Variants in SLCO5A1 observed in about 807,000 individuals in gnomAD.
The protein encoded by SLCO5A1 is solute carrier organic anion transporter family member 5A1.
Under a neutral mutation model 65.1 loss-of-function variants are expected in SLCO5A1, and 39 were observed. The ratio of observed to expected loss-of-function variants is 0.60; its 90% CI spans 0.46 to 0.78. The LOEUF is 0.78. SLCO5A1 is among the 30% of genes least tolerant of loss of function. The probability of loss-of-function intolerance (pLI) is 0.00; values close to 1 mark genes in which losing one functional copy is unlikely to be tolerated. For missense variants in SLCO5A1, 1,029 were observed against 1,069.4 expected (o/e 0.96, Z 0.53); for synonymous variants, 438 against 415.7 (o/e 1.05, Z -0.65).
At chr8:69,794,272 C>T in intron 2 of SLCO5A1, 2 of 478,200 alleles carry the variant, frequency 4.2e-6, no homozygotes, top group South Asian at 1.7e-5. Flanking sequence ...GAAAGTTTTG[C>T]TGAATGGGGA....
At chr8:69,687,233 T>TTGGGCCCAAG (rs1814039944) in intron 6 of SLCO5A1, among the ~76,000 whole-genome samples, 1 of 152,190 alleles carries the variant, frequency 6.6e-6, no homozygotes, top group Non-Finnish European at 1.5e-5. Context: ...ATTTAGTAGC[T>TTGGGCCCAAG]ATGTGACCTT....
chr8:69,761,780 G>A lies in SLCO5A1; in HGVS notation c.1003C>T (p.His335Tyr). The A allele has an allele frequency of 6.2e-7, 1 of 1,613,958 alleles. No homozygotes were observed. The highest frequency in any genetic ancestry group is 1.1e-5 in the South Asian group (1 of 91,056). ...GFYVDPRNPV[H>Y]LDQNDPRFIG... ...AAACGAGGGTCATTCTGGTCAAGGT[G>A]AACAGGATTTCTGGGATCAACATAA... Residue 335 changes from histidine to tyrosine, a missense_variant, in exon 3 of 10, where the codon CAC becomes TAC. Physicochemically the swap from His to Tyr is moderately conservative, Grantham distance 83. Around this residue, in one of 3 missense-constraint regions of SLCO5A1, gnomAD observed 647 missense variants for 647.5 expected, o/e 1.00. Transcript: ENST00000260126.
chr8:69,782,727 T>C (rs771865365), intron 2 of SLCO5A1, among the ~76,000 whole-genome samples: 4 of 152,180 alleles, frequency 2.6e-5, no homozygotes, highest in African/African-American at 9.6e-5. Context: ...TTTATAGCAG[T>C]AGAAAAAAAT....
intron 6 of SLCO5A1, among the ~76,000 whole-genome samples, chr8:69,696,955 A>G (rs974740205): frequency 1.3e-5 from 2 of 152,236 alleles, no homozygotes; most frequent in African/African-American, 4.8e-5. Flanking sequence ...AATCTCTCAT[A>G]GCAAAAGACA....
At chr8:69,826,802 T>C (rs1260005921) in intron 2 of SLCO5A1, among the ~76,000 whole-genome samples, 1 of 152,168 alleles carries the variant, frequency 6.6e-6, no homozygotes, top group Non-Finnish European at 1.5e-5. Context: ...ACTGGGTATA[T>C]ACCCAAAGGA....
chr8:69,818,569 A>G (rs1820498665), intron 2 of SLCO5A1, among the ~76,000 whole-genome samples: 1 of 152,208 alleles, frequency 6.6e-6, no homozygotes, highest in Non-Finnish European at 1.5e-5. Flanking sequence ...CTCTACCATA[A>G]ATGCTACTAA....
Position 69,668,253 on chromosome 8 carries a change from GA to G in SLCO5A1, c.*4615del, listed in dbSNP as rs981613950. The G allele has an allele frequency of 2.6e-5, 4 of 152,216 alleles. No homozygotes were observed. Among genetic ancestry groups the G allele is most frequent in the African/African-American group, 9.6e-5 (4 of 41,528 alleles). The allele number at this position is 152,216 out of a possible 1,614,324, so 9.4% of individuals were successfully genotyped here. A position where few individuals can be genotyped will look rare whatever the true frequency, so the allele number is the denominator to read the frequency against. ...GCAGCATCCCAAAAGATGAAGAAGAGAAAAAGACAAAAAGATAAAGTGCATG... is the reference window on the plus strand; with the variant it reads ...GCAGCATCCCAAAAGATGAAGAAGAGAAAAGACAAAAAGATAAAGTGCATG... On this transcript the variant is annotated 3_prime_UTR_variant, in exon 10 of 10. Transcript: ENST00000260126.
intron 2 of SLCO5A1, among the ~76,000 whole-genome samples, chr8:69,799,985 G>A (rs1447469635): frequency 6.6e-6 from 1 of 152,026 alleles, no homozygotes; most frequent in Non-Finnish European, 1.5e-5. Context: ...ATAATTTCCT[G>A]AAAATATTTT....
intron 2 of SLCO5A1, among the ~76,000 whole-genome samples, chr8:69,785,458 C>T (rs764160069): frequency 1.5e-4 from 23 of 151,980 alleles, no homozygotes; most frequent in Middle Eastern, 3.2e-3. Context: ...TAACAGTGGT[C>T]CCAATAACTA....
At chr8:69,770,591 G>C (rs1248796764) in intron 2 of SLCO5A1, among the ~76,000 whole-genome samples, 1 of 152,030 alleles carries the variant, frequency 6.6e-6, no homozygotes, top group African/African-American at 2.4e-5. Context: ...ACTTATGATG[G>C]GAAGGGTTTC....
chr8:69,667,972 G>A lies in SLCO5A1; in HGVS notation c.*4897C>T, dbSNP rs1306584026. 1.3e-5 allele frequency: 2 copies of A among 152,240 alleles called. No homozygotes were observed. Among genetic ancestry groups the A allele is most frequent in the East Asian group, 1.9e-4 (1 of 5,198 alleles). 9.4% of individuals were successfully genotyped at this position (152,240 alleles called of 1,614,324 possible). A position where few individuals can be genotyped will look rare whatever the true frequency, so the allele number is the denominator to read the frequency against. The stretch of plus-strand genomic sequence containing the variant: ...ACAAAGTACATGCAGCCACTTAGCA[G>A]TGAAATACTGTGAATTCAGTGGCGC... On this transcript the variant is annotated 3_prime_UTR_variant, in exon 10 of 10. Transcript: ENST00000260126.
chr8:69,740,766 G>T (rs1816759326), intron 4 of SLCO5A1, among the ~76,000 whole-genome samples: 1 of 152,206 alleles, frequency 6.6e-6, no homozygotes, highest in Non-Finnish European at 1.5e-5. Flanking sequence ...ATGGAATGGT[G>T]AGGACATGTC....
chr8:69,688,750 G>A (rs1460301488), intron 6 of SLCO5A1, among the ~76,000 whole-genome samples: 1 of 152,088 alleles, frequency 6.6e-6, no homozygotes, highest in South Asian at 2.1e-4. Context: ...TTGGACATTT[G>A]GGTTGGTTCC....
At chr8:69,708,588 C>A (rs1815077780) in intron 5 of SLCO5A1, among the ~76,000 whole-genome samples, 1 of 150,934 alleles carries the variant, frequency 6.6e-6, no homozygotes, top group Admixed American at 6.6e-5. Flanking sequence ...GTAGTTATTA[C>A]CATTACAACT....
chr8:69,776,737 T>C lies in SLCO5A1; in HGVS notation c.908-14862A>G, dbSNP rs535874532. On this transcript the variant is annotated intron_variant, in intron 2 of 9. Coordinates refer to ENST00000260126, the MANE Select transcript of SLCO5A1 (RefSeq NM_030958.3). Reference sequence around the variant, plus strand: ...AAAAAAAATATCTAGCAGGAAACAATTGTAGAAAATATTTCTGAACAGGCA... The same window carrying C: ...AAAAAAAATATCTAGCAGGAAACAACTGTAGAAAATATTTCTGAACAGGCA... 1.1e-4 allele frequency among the ~76,000 whole-genome samples: 16 copies of C among 152,094 alleles called. No individual in the cohort carries two copies. The South Asian group carries it at 2.3e-3, about 22-fold the overall frequency.
intron 2 of SLCO5A1, among the ~76,000 whole-genome samples, chr8:69,811,462 T>C (rs1820202154): frequency 1.3e-5 from 2 of 152,124 alleles, no homozygotes; most frequent in African/African-American, 4.8e-5. Context: ...CATTCATCGC[T>C]ATGGGGAATG....
intron 5 of SLCO5A1, among the ~76,000 whole-genome samples, chr8:69,716,506 T>C (rs1815546681): frequency 6.6e-6 from 1 of 152,206 alleles, no homozygotes; most frequent in African/African-American, 2.4e-5. Flanking sequence ...TAATAGTTGA[T>C]TTTAGCCATC....
In SLCO5A1 at chr8:69,829,699, C is replaced by G. The variant is rs149634415; in HGVS notation, c.907+2068G>C. 2.9e-3 allele frequency among the ~76,000 whole-genome samples: 439 copies of G among 152,172 alleles called. 2 individuals are homozygous for G. The highest frequency in any genetic ancestry group is 1.0e-2 in the African/African-American group (414 of 41,518). ...TCAATCAATCAATCAGTATAAAAGA[C>G]TTTCAGAGGACAATTGAGGAAATTT... On this transcript the variant is annotated intron_variant, in intron 2 of 9. Coordinates refer to ENST00000260126, the MANE Select transcript of SLCO5A1 (RefSeq NM_030958.3).
intron 6 of SLCO5A1, among the ~76,000 whole-genome samples, chr8:69,692,176 G>C (rs1265261997): frequency 6.6e-6 from 1 of 152,214 alleles, no homozygotes; most frequent in Non-Finnish European, 1.5e-5. Flanking sequence ...ATGAACCCGG[G>C]AGGCGGAGCT....
Sources: gnomAD v4.1 joint callset for allele counts (sites outside exome capture counted in the v4.1 genomes callset) on GRCh38, gnomAD v4.1.1 for gene constraint, gnomAD v4.1.1 regional missense constraint, MANE v1.5 for transcripts, NCBI Gene and HGNC (gene_info 2026-07-23, HGNC 2026-07-21) for gene names.